The following COL19A1 variants were observed in gnomAD, a reference collection of about 807,000 sequenced individuals.
COL19A1 encodes the protein collagen type XIX alpha 1 chain, also known as collagen alpha-1(XIX) chain.
In COL19A1, 159 loss-of-function variants were observed where a neutral mutation model predicts 190.2. That is an observed-to-expected ratio of 0.84 (90% confidence interval 0.73 to 0.95). The LOEUF (loss-of-function observed/expected upper bound fraction) is 0.95, where lower values mean the gene tolerates loss of function less well. Among genes scored for constraint, COL19A1 ranks in the 40% least tolerant of loss-of-function variants. COL19A1 has a pLI of 0.00. For missense variants in COL19A1, 1,418 were observed against 1,431.9 expected (o/e 0.99, Z 0.16); for synonymous variants, 509 against 458.9 (o/e 1.11, Z -1.39).
Position 70,185,146 on chromosome 6 carries a change from G to A in COL19A1, c.2856+231G>A, listed in dbSNP as rs802187. On this transcript the variant is annotated intron_variant, in intron 46 of 50. Transcript: ENST00000620364. The stretch of plus-strand genomic sequence containing the variant: ...TGTACACAGCCAAGTATACTTTGCT[G>A]TTTAAATTTGGGAAGCTTTTATTAT... Among the ~76,000 whole-genome samples the A allele has an allele frequency of 0.76, 115,969 of 152,174 alleles. 45,041 individuals carry two copies. The highest frequency in any genetic ancestry group is 0.91 in the African/African-American group (37,803 of 41,552).
Position 70,142,815 on chromosome 6 carries a change from G to C in COL19A1, c.1621G>C (p.Asp541His), listed in dbSNP as rs1043705125. ...CATGGGACCCAGAGGACCGCCAGGA[G>C]ATGTTGTATGTATAATGTCTTTGAT... ...GSMGPRGPPG[D>H]VGLPGEHGIP... The change falls in exon 23 of 51, where the codon GAT becomes CAT. Residue 541 changes from aspartate (D) to histidine (H), a missense_variant. Asp to His is a moderately conservative substitution (Grantham distance 81). Transcript: ENST00000620364. 1.9e-6 allele frequency: 3 copies of C among 1,612,004 alleles called. No individual in the cohort carries two copies. Among genetic ancestry groups the C allele is most frequent in the Non-Finnish European group, 2.5e-6 (3 of 1,178,830 alleles).
chr6:70,170,675 C>T (rs1193808573), intron 40 of COL19A1, among the ~76,000 whole-genome samples: 1 of 151,906 alleles, frequency 6.6e-6, no homozygotes, highest in African/African-American at 2.4e-5. Context: ...TTATACAGAA[C>T]TTTATGCAGA....
chr6:69,925,825 G>A lies in COL19A1; in HGVS notation c.267-2084G>A, dbSNP rs181912349. Among the ~76,000 whole-genome samples the A allele has an allele frequency of 6.6e-5, 10 of 152,184 alleles. No homozygotes were observed. The East Asian group carries it at 1.2e-3, about 18-fold the overall frequency. Reference sequence around the variant, plus strand: ...ACATCCCTTGTAAGTTGGATTTCTAGGTATTTTATTCTCTTTGAAGTAATT... The same window carrying A: ...ACATCCCTTGTAAGTTGGATTTCTAAGTATTTTATTCTCTTTGAAGTAATT... On this transcript the variant is annotated intron_variant, in intron 4 of 50. Transcript: ENST00000620364.
intron 12 of COL19A1, among the ~76,000 whole-genome samples, chr6:70,024,582 C>CGTGTGTGTGTGTGT (rs71536487): frequency 2.1e-5 from 3 of 143,502 alleles, no homozygotes; most frequent in Non-Finnish European, 4.6e-5. Flanking sequence ...TGGAGAAAGT[C>CGTGTGTGTGTGTGT]GTGTGTGTGT....
rs141008619 is a variant in COL19A1, at chr6:70,149,865, C to T, written c.1944C>T (p.Leu648=). 6 of 1,613,648 alleles carry T rather than the reference C, an allele frequency of 3.7e-6. No individual in the cohort carries two copies. Among genetic ancestry groups the T allele is most frequent in the Middle Eastern group, 1.7e-4 (1 of 6,060 alleles). ...GEPGIQGPRG[L]PGLPGTPGTP... is the part of the protein sequence containing the mutation. ...TCCTTTTCCAGGGTCCTCGAGGTCT[C>T]CCTGGGTTGCCAGGAACTCCAGGGA... Residue 648 remains leucine, a synonymous_variant, in exon 29 of 51, where the codon CTC becomes CTT. Transcript: ENST00000620364.
Position 70,188,099 on chromosome 6 carries a change from A to C in COL19A1, c.2881A>C (p.Arg961=), listed in dbSNP as rs577431104. 24 of 1,613,496 alleles carry C rather than the reference A, an allele frequency of 1.5e-5. No homozygotes were observed. In the South Asian group the frequency reaches 2.5e-4, roughly 17 times the overall value. ...ERGDQGIPGD[R]GSQGERGKPG... is the part of the protein sequence containing the mutation. Reference sequence around the variant, plus strand: ...GGGTGATCAGGGGATTCCAGGAGACAGAGGCTCACAAGGTGAACGGGGAAA... The same window carrying C: ...GGGTGATCAGGGGATTCCAGGAGACCGAGGCTCACAAGGTGAACGGGGAAA... The change falls in exon 47 of 51, where the codon AGA becomes CGA. Residue 961 remains arginine, a synonymous_variant. Coordinates refer to ENST00000620364, the MANE Select transcript of COL19A1 (RefSeq NM_001858.6).
intron 11 of COL19A1, among the ~76,000 whole-genome samples, chr6:70,017,541 G>C (rs1778184428): frequency 6.6e-6 from 1 of 152,134 alleles, no homozygotes; most frequent in Non-Finnish European, 1.5e-5. Flanking sequence ...CTGGAAGTAG[G>C]AACATGAGAC....
At chr6:70,053,576 G>GGACT (rs1780330386) in intron 14 of COL19A1, among the ~76,000 whole-genome samples, 1 of 152,068 alleles carries the variant, frequency 6.6e-6, no homozygotes, top group Non-Finnish European at 1.5e-5. Context: ...CATAAAATTA[G>GGACT]GTAGTTCGAC....
intron 12 of COL19A1, among the ~76,000 whole-genome samples, chr6:70,031,672 G>C (rs1779083293): frequency 6.6e-6 from 1 of 152,114 alleles, no homozygotes; most frequent in Non-Finnish European, 1.5e-5. Flanking sequence ...GTACTCCGTT[G>C]TGTATATATA....
intron 11 of COL19A1, 76 bp from the exon 12 acceptor site, chr6:70,023,551 C>T: frequency 1.6e-6 from 2 of 1,227,110 alleles, no homozygotes; most frequent in Non-Finnish European, 2.3e-6. Flanking sequence ...AAATACCCAA[C>T]CAACATAACT....
chr6:70,081,413 G>C (rs1204010883), intron 15 of COL19A1, among the ~76,000 whole-genome samples: 2 of 151,894 alleles, frequency 1.3e-5, no homozygotes, highest in African/African-American at 4.8e-5. Flanking sequence ...CACACAGAAG[G>C]ATGAACAAAT....
At position 69,936,882 on chromosome 6, in the gene COL19A1, A is replaced by G; in HGVS notation, c.845A>G (p.Lys282Arg). ...TATCTGCCAGCAAAGCAGGAACTTA[A>G]AGACCAGTGCCAGTGCATTCCAAAC... The part of the protein sequence containing the change: ...SSYLPAKQEL[K>R]DQCQCIPNKG... The change falls in exon 8 of 51, where the codon AAA becomes AGA. Residue 282 changes from lysine (K) to arginine (R), a missense_variant. By Grantham distance (26) the Lys-to-Arg change is conservative. Coordinates refer to ENST00000620364, the MANE Select transcript of COL19A1 (RefSeq NM_001858.6). The G allele has an allele frequency of 6.2e-7, 1 of 1,613,154 alleles. No homozygotes were observed. The highest frequency in any genetic ancestry group is 8.5e-7 in the Non-Finnish European group (1 of 1,179,262).
Position 70,102,215 on chromosome 6 carries a change from G to A in COL19A1, c.1271G>A (p.Gly424Glu), listed in dbSNP as rs1442926755. Residue 424 changes from glycine to glutamate, a missense_variant, in exon 16 of 51, where the codon GGA becomes GAA. By Grantham distance (98) the Gly-to-Glu change is moderately conservative. Coordinates refer to ENST00000620364, the MANE Select transcript of COL19A1 (RefSeq NM_001858.6). ...TGPPGKPGPP[G>E]PPGPPGIQGI... ...CCTCCCGGAAAACCAGGACCCCCAG[G>A]ACCACCTGTGAGTAAACAATACAAT... 1.2e-6 allele frequency: 2 copies of A among 1,611,640 alleles called. No individual in the cohort carries two copies. The highest frequency in any genetic ancestry group is 1.7e-5 in the Admixed American group (1 of 59,968).
At chr6:69,905,849 G>A (rs1483787794) in intron 4 of COL19A1, among the ~76,000 whole-genome samples, 1 of 152,154 alleles carries the variant, frequency 6.6e-6, no homozygotes. Context: ...CAAATGGTAA[G>A]TATTTGGGGG....
chr6:70,047,682 A>G (rs1359841851), intron 14 of COL19A1, among the ~76,000 whole-genome samples: 1 of 152,118 alleles, frequency 6.6e-6, no homozygotes, highest in African/African-American at 2.4e-5. Flanking sequence ...AACTTCACAA[A>G]TTGTGTATGT....
At chr6:70,184,659 T>C (rs1477295737) in intron 44 of COL19A1, 44 bp from the exon 45 acceptor site, 3 of 1,474,622 alleles carry the variant, frequency 2.0e-6, no homozygotes, top group African/African-American at 1.4e-5. Context: ...TGTTTAACTA[T>C]GTTAATGCAG....
At position 70,210,325 on chromosome 6, in the gene COL19A1, G is replaced by T. The variant is rs1768110651; in HGVS notation, c.*3051G>T. Among the ~76,000 whole-genome samples the T allele has an allele frequency of 6.6e-6, 1 of 152,092 alleles. No homozygotes were observed. Among genetic ancestry groups the T allele is most frequent in the Admixed American group, 6.6e-5 (1 of 15,266 alleles). Reference sequence around the variant, plus strand: ...CTTTGGAATCCAAAGAAAAACAGAAGAATAATTCATGGATTTGTTCATTGT... The same window carrying T: ...CTTTGGAATCCAAAGAAAAACAGAATAATAATTCATGGATTTGTTCATTGT... On this transcript the variant is annotated 3_prime_UTR_variant, in exon 51 of 51. Transcript: ENST00000620364.
intron 11 of COL19A1, among the ~76,000 whole-genome samples, chr6:69,990,455 G>C (rs529342095): frequency 6.6e-6 from 1 of 152,000 alleles, no homozygotes; most frequent in Non-Finnish European, 1.5e-5. Context: ...GCTGTAGTCA[G>C]GATCCAAATA....
intron 15 of COL19A1, among the ~76,000 whole-genome samples, chr6:70,072,524 C>T (rs1197626402): frequency 6.6e-6 from 1 of 152,226 alleles, no homozygotes; most frequent in African/African-American, 2.4e-5. Context: ...TTTTAAATTC[C>T]CTGTAACTTA....
Sources: gnomAD v4.1 joint callset for allele counts (sites outside exome capture counted in the v4.1 genomes callset) on GRCh38, gnomAD v4.1.1 for gene constraint, MANE v1.5 for transcripts, NCBI Gene and HGNC (gene_info 2026-07-23, HGNC 2026-07-21) for gene names.